Variants in RASAL2 observed in about 807,000 individuals in gnomAD.
The protein encoded by RASAL2 is ras GTPase-activating protein nGAP.
Under a neutral mutation model 128.9 loss-of-function variants are expected in RASAL2, and 58 were observed. That is an observed-to-expected ratio of 0.45 (90% CI 0.36 to 0.56). The LOEUF (loss-of-function observed/expected upper bound fraction) is 0.56, where lower values mean the gene tolerates loss of function less well. Ranked by LOEUF, RASAL2 falls within the 20% of genes least tolerant of loss-of-function variation. The pLI is 0.00. For missense variants in RASAL2, 1,360 were observed against 1,601.6 expected (o/e 0.85, Z 2.57); for synonymous variants, 561 against 580.8 (o/e 0.97, Z 0.49).
chr1:178,270,314 A>G (rs999964777), intron 1 of RASAL2, among the ~76,000 whole-genome samples: 2 of 151,734 alleles, frequency 1.3e-5, no homozygotes, highest in Admixed American at 6.6e-5. Context: ...CTTCTTGCCT[A>G]TTATTTTTAT....
At chr1:178,456,653 C>G (rs1383150308) in intron 12 of RASAL2, 68 bp from the exon 13 acceptor site, 1 of 1,562,800 alleles carries the variant, frequency 6.4e-7, no homozygotes, top group South Asian at 1.1e-5. Context: ...CATCGTTGTG[C>G]CAAAAACAAT....
intron 9 of RASAL2, among the ~76,000 whole-genome samples, chr1:178,448,397 A>G (rs1447242144): frequency 6.6e-6 from 1 of 152,194 alleles, no homozygotes; most frequent in East Asian, 1.9e-4. Context: ...GTCGCCATTC[A>G]AGAAACAGGA....
At chr1:178,311,264 AC>A in intron 3 of RASAL2, among the ~76,000 whole-genome samples, 1 of 151,360 alleles carries the variant, frequency 6.6e-6, no homozygotes, top group Non-Finnish European at 1.5e-5. Flanking sequence ...ACACACACAC[AC>A]ACACACACAC....
At chr1:178,411,787 G>A (rs1161953332) in intron 4 of RASAL2, 1 of 779,488 alleles carries the variant, frequency 1.3e-6, no homozygotes, top group Non-Finnish European at 2.4e-6. Context: ...TGCTTTTTTG[G>A]CTGCCCAGGA....
chr1:178,355,848 C>G (rs1389150103), intron 3 of RASAL2, among the ~76,000 whole-genome samples: 1 of 152,160 alleles, frequency 6.6e-6, no homozygotes, highest in African/African-American at 2.4e-5. Flanking sequence ...AAGAGGTGCT[C>G]AGCCTTATCA....
At chr1:178,151,313 G>A (rs1386915035) in intron 1 of RASAL2, among the ~76,000 whole-genome samples, 1 of 152,130 alleles carries the variant, frequency 6.6e-6, no homozygotes, top group Admixed American at 6.5e-5. Flanking sequence ...ACTGAGTCAG[G>A]AGAATTGCTT....
At chr1:178,367,504 C>T (rs1447648323) in intron 3 of RASAL2, among the ~76,000 whole-genome samples, 1 of 152,100 alleles carries the variant, frequency 6.6e-6, no homozygotes, top group African/African-American at 2.4e-5. Flanking sequence ...AATATAAGCT[C>T]CCTGAGGACA....
At position 178,403,870 on chromosome 1, in the gene RASAL2, T is replaced by TA. The variant is rs924795654; in HGVS notation, c.564+13671dup. On this transcript the variant is annotated intron_variant, in intron 4 of 17. Coordinates refer to ENST00000367649, the MANE Select transcript of RASAL2 (RefSeq NM_170692.4). ...TTTTAATAATTGCGTGACAAAAAAATAAAAAAATTAAAGTTAAAAGACAAC... is the reference window on the plus strand; with the variant it reads ...TTTTAATAATTGCGTGACAAAAAAATAAAAAAAATTAAAGTTAAAAGACAAC... 2.6e-5 allele frequency among the ~76,000 whole-genome samples: 4 copies of TA among 151,970 alleles called. No homozygotes were observed. The South Asian group carries it at 8.3e-4, about 32-fold the overall frequency.
intron 1 of RASAL2, among the ~76,000 whole-genome samples, chr1:178,241,560 T>C (rs1417703954): frequency 6.6e-6 from 1 of 152,174 alleles, no homozygotes; most frequent in African/African-American, 2.4e-5. Flanking sequence ...TGATCTGATA[T>C]CTCTATCCAT....
intron 1 of RASAL2, among the ~76,000 whole-genome samples, chr1:178,117,592 C>G (rs1333969591): frequency 6.6e-6 from 1 of 152,048 alleles, no homozygotes; most frequent in Non-Finnish European, 1.5e-5. Flanking sequence ...GGAGGTGATT[C>G]AGTCACAAGG....
intron 12 of RASAL2, 198 bp from the exon 13 acceptor site, chr1:178,456,523 G>C (rs552533226): frequency 3.0e-6 from 2 of 662,428 alleles, no homozygotes; most frequent in Non-Finnish European, 5.4e-6. Context: ...ACCTTGTTTC[G>C]CCTCCTCCAT....
intron 1 of RASAL2, among the ~76,000 whole-genome samples, chr1:178,257,052 A>C (rs912877657): frequency 1.6e-5 from 2 of 129,002 alleles, no homozygotes; most frequent in Non-Finnish European, 3.6e-5. Context: ...AAAAAGAATA[A>C]GATACTTAGG....
intron 3 of RASAL2, among the ~76,000 whole-genome samples, chr1:178,328,724 T>G (rs1669154452): frequency 6.6e-6 from 1 of 152,214 alleles, no homozygotes; most frequent in Admixed American, 6.5e-5. Flanking sequence ...TACCCTTATT[T>G]TATAGAGAAG....
intron 1 of RASAL2, among the ~76,000 whole-genome samples, chr1:178,141,919 C>T (rs546913038): frequency 2.0e-5 from 3 of 152,098 alleles, no homozygotes; most frequent in South Asian, 2.1e-4. Context: ...AACCCCTATA[C>T]GATGGGGCGT....
intron 4 of RASAL2, among the ~76,000 whole-genome samples, chr1:178,406,181 C>T (rs1382530700): frequency 6.6e-6 from 1 of 152,072 alleles, no homozygotes; most frequent in Non-Finnish European, 1.5e-5. Flanking sequence ...TCTTAATATC[C>T]CAAAACTGGA....
At chr1:178,351,064 C>T (rs1670448528) in intron 3 of RASAL2, among the ~76,000 whole-genome samples, 1 of 152,088 alleles carries the variant, frequency 6.6e-6, no homozygotes, top group South Asian at 2.1e-4. Context: ...GGAGATGCTA[C>T]ACACTTTTAA....
chr1:178,207,826 T>C (rs1356695112), intron 1 of RASAL2, among the ~76,000 whole-genome samples: 2 of 152,122 alleles, frequency 1.3e-5, no homozygotes, highest in Non-Finnish European at 2.9e-5. Context: ...GATAAAAACA[T>C]TAGAACTCTT....
intron 1 of RASAL2, among the ~76,000 whole-genome samples, chr1:178,114,263 G>A (rs999545680): frequency 2.6e-5 from 4 of 152,096 alleles, no homozygotes; most frequent in African/African-American, 4.8e-5. Context: ...CAACCTGATC[G>A]TAGGTAAAAA....
At chr1:178,248,658 T>C (rs954394539) in intron 1 of RASAL2, among the ~76,000 whole-genome samples, 2 of 152,136 alleles carry the variant, frequency 1.3e-5, no homozygotes, top group Admixed American at 6.5e-5. Flanking sequence ...TATATTTTGT[T>C]ATGTTTTTGC....
Sources: gnomAD v4.1 joint callset for allele counts (sites outside exome capture counted in the v4.1 genomes callset) on GRCh38, gnomAD v4.1.1 for gene constraint, MANE v1.5 for transcripts, NCBI Gene and HGNC (gene_info 2026-07-23, HGNC 2026-07-21) for gene names.